Variants in NME8 observed in about 807,000 individuals in gnomAD.
The protein encoded by NME8 is NME/NM23 family member 8.
In NME8, 72 loss-of-function variants were observed where a neutral mutation model predicts 82.3. The observed-to-expected ratio is 0.87, with a 90% CI of 0.72 to 1.06. NME8 has a LOEUF of 1.06. NME8 is among the 50% of genes least tolerant of loss of function. NME8 has a pLI of 0.00. For missense variants in NME8, 712 were observed against 685.4 expected, an observed-to-expected ratio of 1.04 and a Z score of -0.43; for synonymous variants, 267 against 228.5, an observed-to-expected ratio of 1.17 and a Z score of -1.52.
At chr7:37,878,078 G>A (rs1190922225) in intron 12 of NME8, among the ~76,000 whole-genome samples, 1 of 152,050 alleles carries the variant, frequency 6.6e-6, no homozygotes, top group African/African-American at 2.4e-5. Context: ...AAAAGCATTT[G>A]GTCTTTTACC....
chr7:37,895,002 C>T (rs1321439802), intron 16 of NME8, among the ~76,000 whole-genome samples: 1 of 151,974 alleles, frequency 6.6e-6, no homozygotes, highest in Non-Finnish European at 1.5e-5. Context: ...TAATTGTTGC[C>T]TGAGTTTCCT....
intron 13 of NME8, 88 bp from the exon 14 acceptor site, chr7:37,885,057 T>G (rs1374791978): frequency 1.2e-6 from 1 of 800,240 alleles, no homozygotes; most frequent in African/African-American, 1.7e-5. Flanking sequence ...TTTTGATCTA[T>G]TTAACAATAT....
chr7:37,890,148 C>T (rs1785106738), intron 15 of NME8, among the ~76,000 whole-genome samples: 1 of 151,852 alleles, frequency 6.6e-6, no homozygotes, highest in Admixed American at 6.6e-5. Context: ...TACATTTTTG[C>T]CCATTTATTT....
chr7:37,882,633 AAGAAAGAAAGAG>A (rs1784979269), intron 12 of NME8, among the ~76,000 whole-genome samples: 7 of 138,946 alleles, frequency 5.0e-5, no homozygotes, highest in Admixed American at 7.0e-5. Flanking sequence ...GAAAGAAAGA[AAGAAAGAAAGAG>A]AAAGAAAGAA....
At chr7:37,882,048 G>C (rs1784954522) in intron 12 of NME8, among the ~76,000 whole-genome samples, 1 of 152,132 alleles carries the variant, frequency 6.6e-6, no homozygotes, top group Admixed American at 6.5e-5. Flanking sequence ...GATTTATTTA[G>C]ATACTTGCAA....
At chr7:37,882,633 AAG>A (rs753662358) in intron 12 of NME8, among the ~76,000 whole-genome samples, 47,625 of 138,472 alleles carry the variant, frequency 0.34, 8,860 homozygotes, top group East Asian at 0.47. Flanking sequence ...GAAAGAAAGA[AAG>A]AAAGAAAGAG....
chr7:37,855,992 G>A (rs1391942556), intron 5 of NME8, among the ~76,000 whole-genome samples: 2 of 151,818 alleles, frequency 1.3e-5, no homozygotes, highest in Non-Finnish European at 2.9e-5. Flanking sequence ...GAAATGGTGG[G>A]CAACTTCAGC....
At chr7:37,850,206 A>G in intron 2 of NME8, 54 bp from the exon 3 acceptor site, 1 of 1,431,366 alleles carries the variant, frequency 7.0e-7, no homozygotes, top group Non-Finnish European at 9.8e-7. Context: ...TGCATAAAGA[A>G]AATGTTATTT....
In NME8 at chr7:37,867,775, A is replaced by G. The variant is rs768771084; in HGVS notation, c.695A>G (p.Lys232Arg). 6.2e-7 allele frequency: 1 copy of G among 1,613,756 alleles called. No homozygotes were observed. The highest frequency in any genetic ancestry group is 8.5e-7 in the Non-Finnish European group (1 of 1,179,708). Residue 232 changes from lysine to arginine, a missense_variant, in exon 11 of 18, where the codon AAA becomes AGA. Physicochemically the swap from Lys to Arg is conservative, Grantham distance 26. Transcript: ENST00000199447. ...ATTCTAGTTGTATCTCAAGGAAGTA[A>G]ACACAATCCTCCCTCTGAAGAAACC... ...SYILVVSQGS[K>R]HNPPSEETEP... is the part of the protein sequence containing the mutation.
rs1470934607 is a variant in NME8, at chr7:37,867,982, G to A, written c.818+84G>A. 2.7e-6 allele frequency: 3 copies of A among 1,122,554 alleles called. No individual in the cohort carries two copies. The Admixed American group carries it at 5.7e-5, about 21-fold the overall frequency. 69.5% of individuals were successfully genotyped at this position (1,122,554 alleles called of 1,614,324 possible). On this transcript the variant is annotated intron_variant, in intron 11 of 17. Coordinates refer to ENST00000199447, the MANE Select transcript of NME8 (RefSeq NM_016616.5). ...AGTGTAGGCACCTCAGTACCTAAGG[G>A]CAAATGTTTTTATGTTAAAGGCATA...
intron 11 of NME8, among the ~76,000 whole-genome samples, chr7:37,872,464 G>T (rs1784782509): frequency 6.6e-6 from 1 of 152,148 alleles, no homozygotes; most frequent in African/African-American, 2.4e-5. Context: ...GAACTGCTTA[G>T]AGACAGAAAA....
chr7:37,886,133 C>T (rs1171364584), intron 14 of NME8, among the ~76,000 whole-genome samples: 1 of 152,156 alleles, frequency 6.6e-6, no homozygotes, highest in African/African-American at 2.4e-5. Context: ...TAGCCCTACT[C>T]AATTATGTCT....
At chr7:37,894,930 C>T (rs552227227) in intron 16 of NME8, among the ~76,000 whole-genome samples, 4 of 150,490 alleles carry the variant, frequency 2.7e-5, no homozygotes, top group Non-Finnish European at 5.9e-5. Flanking sequence ...TCCTGTTTCT[C>T]TAGGTCTTCA....
At chr7:37,861,301 C>T (rs937178847) in intron 6 of NME8, among the ~76,000 whole-genome samples, 3 of 152,198 alleles carry the variant, frequency 2.0e-5, no homozygotes, top group African/African-American at 7.2e-5. Context: ...TTGCCATCTT[C>T]CCTTCCAGCT....
chr7:37,866,326 T>A (rs894857840), intron 10 of NME8, among the ~76,000 whole-genome samples: 23 of 152,278 alleles, frequency 1.5e-4, no homozygotes, highest in East Asian at 1.9e-4. Flanking sequence ...AGCATGTACG[T>A]CATCACATAC....
At chr7:37,861,948 T>A in intron 6 of NME8, 80 bp from the exon 7 acceptor site, 3 of 876,240 alleles carry the variant, frequency 3.4e-6, no homozygotes, top group South Asian at 2.6e-5. Context: ...AAGGGAGGGA[T>A]GACTTAGTCC....
intron 12 of NME8, among the ~76,000 whole-genome samples, chr7:37,882,613 G>GAGAGAGAGAGAGAGAGAA (rs1273553790): frequency 1.2e-5 from 1 of 85,072 alleles, no homozygotes; most frequent in Non-Finnish European, 2.9e-5. Flanking sequence ...GAGAGAGAGA[G>GAGAGAGAGAGAGAGAGAA]AGAAAGAAAG....
intron 11 of NME8, among the ~76,000 whole-genome samples, chr7:37,875,634 A>AG (rs1784836508): frequency 6.6e-6 from 1 of 152,140 alleles, no homozygotes; most frequent in Admixed American, 6.5e-5. Flanking sequence ...TAGAAAAAAA[A>AG]AAGATGAAAA....
At chr7:37,863,713 G>T (rs1784632836) in intron 8 of NME8, among the ~76,000 whole-genome samples, 1 of 152,180 alleles carries the variant, frequency 6.6e-6, no homozygotes, top group Non-Finnish European at 1.5e-5. Flanking sequence ...CCTGTCTCCT[G>T]TGACTTATCT....
Sources: gnomAD v4.1 joint callset for allele counts (sites outside exome capture counted in the v4.1 genomes callset) on GRCh38, gnomAD v4.1.1 for gene constraint, MANE v1.5 for transcripts, NCBI Gene and HGNC (gene_info 2026-07-23, HGNC 2026-07-21) for gene names.